The following ARHGAP35 variants were observed in gnomAD, a reference collection of about 807,000 sequenced individuals.
The protein encoded by ARHGAP35 is Rho GTPase activating protein 35, also known as rho GTPase-activating protein 35.
Under a neutral mutation model 111.1 loss-of-function variants are expected in ARHGAP35, and 15 were observed. The observed-to-expected ratio is 0.13, with a 90% CI of 0.09 to 0.21. The LOEUF (loss-of-function observed/expected upper bound fraction) is 0.21. Ranked by LOEUF, ARHGAP35 falls within the 10% of genes least tolerant of loss-of-function variation. ARHGAP35 has a pLI of 1.00. For synonymous variants in ARHGAP35, 643 were observed against 710.3 expected (o/e 0.91, Z 1.51); for missense variants, 1,262 against 1,873.0 (o/e 0.67, Z 6.02).
chr19:46,893,886 CTTT>C (rs75930765), intron 1 of ARHGAP35, among the ~76,000 whole-genome samples: 2 of 122,356 alleles, frequency 1.6e-5, no homozygotes, highest in African/African-American at 3.0e-5. Context: ...CGTTCTTTCT[CTTT>C]TTTTTTTTTT....
intron 3 of ARHGAP35, among the ~76,000 whole-genome samples, chr19:46,987,526 A>T (rs1040031852): frequency 1.3e-5 from 2 of 152,184 alleles, no homozygotes; most frequent in African/African-American, 4.8e-5. Context: ...ACCCTGTATG[A>T]TTAACAGCAT....
chr19:46,940,103 G>C (rs1321113219), intron 3 of ARHGAP35, among the ~76,000 whole-genome samples: 1 of 151,920 alleles, frequency 6.6e-6, no homozygotes, highest in Non-Finnish European at 1.5e-5. Flanking sequence ...CGGGGCGGTG[G>C]CTCACGCTTG....
In ARHGAP35 at chr19:46,921,530, A is replaced by T; in HGVS notation, c.2855A>T (p.His952Leu). 6.2e-7 allele frequency: 1 copy of T among 1,614,046 alleles called. No individual in the cohort carries two copies. The highest frequency in any genetic ancestry group is 1.1e-5 in the South Asian group (1 of 91,086). ...VEKKNIIEAT[H>L]MYDNAAEACS... ...AAAAAGAACATAATCGAGGCTACTC[A>T]TATGTACGATAATGCTGCCGAGGCC... Residue 952 changes from histidine to leucine, a missense_variant, in exon 2 of 7, where the codon CAT (histidine) becomes CTT (leucine). Coordinates refer to ENST00000672722, the MANE Select transcript of ARHGAP35 (RefSeq NM_004491.5). The surrounding 1 kb of genome is among the most constrained non-coding windows in gnomAD (Gnocchi z 4.3).
At chr19:46,983,423 G>C (rs918956893) in intron 3 of ARHGAP35, among the ~76,000 whole-genome samples, 1 of 151,984 alleles carries the variant, frequency 6.6e-6, no homozygotes, top group African/African-American at 2.4e-5. Flanking sequence ...TTGATAAATG[G>C]CTTATCATTA....
chr19:46,922,282 G>GCTGT lies in ARHGAP35; in HGVS notation c.3609_3612dup (p.Ile1205CysfsTer24). On this transcript the variant is annotated frameshift_variant, in exon 2 of 7. Coordinates refer to ENST00000672722, the MANE Select transcript of ARHGAP35 (RefSeq NM_004491.5). LOFTEE classifies it high-confidence loss of function. The surrounding 1 kb of genome is among the most constrained non-coding windows in gnomAD (Gnocchi z 4.0). ...ATCCCAGGGTTATAAAGGGGACAATGCTGTCATTCCATACGAAACAGACGA... is the reference window on the plus strand; with the variant it reads ...ATCCCAGGGTTATAAAGGGGACAATGCTGTCTGTCATTCCATACGAAACAGACGA... The GCTGT allele has an allele frequency of 6.2e-7, 1 of 1,613,958 alleles. No homozygotes were observed. The highest frequency in any genetic ancestry group is 8.5e-7 in the Non-Finnish European group (1 of 1,179,868).
intron 5 of ARHGAP35, among the ~76,000 whole-genome samples, chr19:46,998,096 C>T (rs1008627836): frequency 4.6e-5 from 7 of 150,744 alleles, no homozygotes; most frequent in African/African-American, 7.3e-5. Context: ...AGTGAGACTC[C>T]GTCTCAAAAA....
rs543399149 is a variant in ARHGAP35 at position 46,975,192 on chromosome 19, A to G, written c.3827-12797A>G. Among the ~76,000 whole-genome samples, 4 of 152,300 alleles carry G rather than the reference A, an allele frequency of 2.6e-5. No homozygotes were observed. In the South Asian group the frequency reaches 8.3e-4, roughly 32 times the overall value. ...GCCAGAAGGGGCTTGTTAATGAGTA[A>G]CAAAAGATACTTCTATCACTCAGGA... On this transcript the variant is annotated intron_variant, in intron 3 of 6. Transcript: ENST00000672722.
At chr19:46,879,243 T>G (rs2055944106) in intron 1 of ARHGAP35, among the ~76,000 whole-genome samples, 2 of 152,028 alleles carry the variant, frequency 1.3e-5, no homozygotes, top group Non-Finnish European at 2.9e-5. Flanking sequence ...TCATCTGAGG[T>G]CAGGAGTTGG....
At chr19:46,976,035 G>A (rs550896725) in intron 3 of ARHGAP35, among the ~76,000 whole-genome samples, 25 of 152,246 alleles carry the variant, frequency 1.6e-4, no homozygotes, top group African/African-American at 2.2e-4. Context: ...AGTAATTGCC[G>A]TATTTGCACT....
At chr19:46,964,250 A>G (rs1206634732) in intron 3 of ARHGAP35, among the ~76,000 whole-genome samples, 1 of 151,144 alleles carries the variant, frequency 6.6e-6, no homozygotes, top group South Asian at 2.1e-4. Flanking sequence ...GAACCTGAGC[A>G]GGTGACTTTT....
chr19:46,873,264 GGATA>G (rs1291507055), intron 1 of ARHGAP35, among the ~76,000 whole-genome samples: 1 of 152,140 alleles, frequency 6.6e-6, no homozygotes, highest in Non-Finnish European at 1.5e-5. Flanking sequence ...ACTCCATGGT[GGATA>G]GATAGAGCTG....
intron 3 of ARHGAP35, among the ~76,000 whole-genome samples, chr19:46,943,013 CCT>C (rs544315955): frequency 9.9e-4 from 150 of 151,796 alleles, no homozygotes; most frequent in African/African-American, 3.4e-3. Context: ...CCAGAACAGT[CCT>C]CTCTGGCTTG....
chr19:47,000,189 G>T lies in ARHGAP35; in HGVS notation c.4143-142G>T. 1 of 862,462 alleles carries T rather than the reference G, an allele frequency of 1.2e-6. No homozygotes were observed. The highest frequency in any genetic ancestry group is 2.6e-5 in the Admixed American group (1 of 37,912). 53.4% of individuals were successfully genotyped at this position (862,462 alleles called of 1,614,324 possible). A position where few individuals can be genotyped will look rare whatever the true frequency, so the allele number is the denominator to read the frequency against. Reference sequence around the variant, plus strand: ...GGGCGCAGCCTCCCAGGCAGGGCAGGGTACAGAGAGCTGCGCATGGCCTTT... The same window carrying T: ...GGGCGCAGCCTCCCAGGCAGGGCAGTGTACAGAGAGCTGCGCATGGCCTTT... On this transcript the variant is annotated intron_variant, in intron 6 of 6. Transcript: ENST00000672722. This position sits in a 1 kb window ranked among gnomAD's most constrained non-coding sequence, Gnocchi z 6.9.
intron 1 of ARHGAP35, among the ~76,000 whole-genome samples, chr19:46,907,985 C>G (rs944463950): frequency 6.6e-6 from 1 of 152,138 alleles, no homozygotes; most frequent in Non-Finnish European, 1.5e-5. Context: ...TCCTAACATG[C>G]CATCAGGAAA....
In ARHGAP35 at chr19:46,986,742, T is replaced by G. The variant is rs531628019; in HGVS notation, c.3827-1247T>G. ...AATTAACAAGAACATGAATACGATA[T>G]TCACAAAGTAAGAAATACCTATTTC... On this transcript the variant is annotated intron_variant, in intron 3 of 6. Transcript: ENST00000672722. This position sits in a 1 kb window ranked among gnomAD's most constrained non-coding sequence, Gnocchi z 4.3. Among the ~76,000 whole-genome samples the G allele has an allele frequency of 2.6e-5, 4 of 152,368 alleles. No homozygotes were observed. The highest frequency in any genetic ancestry group is 9.6e-5 in the African/African-American group (4 of 41,586).
At chr19:46,987,209 C>CTTTT (rs1205470825) in intron 3 of ARHGAP35, among the ~76,000 whole-genome samples, 2 of 137,464 alleles carry the variant, frequency 1.5e-5, no homozygotes, top group Non-Finnish European at 3.2e-5. Flanking sequence ...TTTTTTTTTT[C>CTTTT]TTTTTTTTCT....
rs1231403277 is a variant in ARHGAP35, at chr19:46,908,969, GA to G, written c.-188-9517del. On this transcript the variant is annotated intron_variant, in intron 1 of 6. Transcript: ENST00000672722. The surrounding 1 kb of genome is among the most constrained non-coding windows in gnomAD (Gnocchi z 4.2). ...GGGACATTTGCAAAAATTATAAATG[GA>G]ATGTCAGAGAATCTTTCATAGCTAC... 6.6e-6 allele frequency among the ~76,000 whole-genome samples: 1 copy of G among 152,058 alleles called. No homozygotes were observed. Among genetic ancestry groups the G allele is most frequent in the Non-Finnish European group, 1.5e-5 (1 of 68,022 alleles).
intron 1 of ARHGAP35, among the ~76,000 whole-genome samples, chr19:46,895,099 G>A (rs1422077544): frequency 6.6e-6 from 1 of 151,278 alleles, no homozygotes; most frequent in African/African-American, 2.4e-5. Flanking sequence ...TATACTTTCT[G>A]TGTAAATAGA....
intron 1 of ARHGAP35, among the ~76,000 whole-genome samples, chr19:46,883,315 G>A (rs182609800): frequency 3.4e-4 from 51 of 150,916 alleles, no homozygotes; most frequent in African/African-American, 1.1e-3. Context: ...GGCCAGGCTC[G>A]TCTCGAACTC....
Sources: allele counts gnomAD v4.1 joint callset (sites outside exome capture counted in the v4.1 genomes callset), GRCh38; gene constraint gnomAD v4.1.1; non-coding constraint Gnocchi (gnomAD v3.1); transcripts MANE v1.5; gene names NCBI Gene and HGNC (gene_info 2026-07-23, HGNC 2026-07-21).